The following PDCD6 variants were observed in gnomAD, a reference collection of about 807,000 sequenced individuals.
The protein encoded by PDCD6 is programmed cell death protein 6.
A neutral mutation model predicts 28.3 loss-of-function variants in PDCD6; 12 were observed. The observed-to-expected ratio is 0.42, with a 90% CI of 0.27 to 0.69. The LOEUF (loss-of-function observed/expected upper bound fraction) is 0.69. Among genes scored for constraint, PDCD6 ranks in the 30% least tolerant of loss-of-function variants. The pLI is 0.22. For missense variants in PDCD6, 226 were observed against 269.9 expected, an observed-to-expected ratio of 0.84 and a Z score of 1.14; for synonymous variants, 92 against 108.0, an observed-to-expected ratio of 0.85 and a Z score of 0.92.
chr5:272,050 C>G (rs1269647832), intron 1 of PDCD6, among the ~76,000 whole-genome samples: 1 of 151,932 alleles, frequency 6.6e-6, no homozygotes, highest in Non-Finnish European at 1.5e-5. Context: ...CTCCCCCGTC[C>G]GCTGCCCGGT....
intron 2 of PDCD6, among the ~76,000 whole-genome samples, chr5:284,129 A>G (rs1738772320): frequency 6.6e-6 from 1 of 151,160 alleles, no homozygotes; most frequent in Non-Finnish European, 1.5e-5. Flanking sequence ...AGAGGAGCTG[A>G]TGTTCTAATT....
rs1403997416 is a variant in PDCD6, at chr5:314,945, C to T, written c.*430C>T. 6 of 305,700 alleles carry T rather than the reference C, an allele frequency of 2.0e-5. No individual in the cohort carries two copies. Among genetic ancestry groups the T allele is most frequent in the South Asian group, 8.7e-5 (3 of 34,672 alleles). 18.9% of individuals were successfully genotyped at this position (305,700 alleles called of 1,614,324 possible). A position where few individuals can be genotyped will look rare whatever the true frequency, so the allele number is the denominator to read the frequency against. On this transcript the variant is annotated 3_prime_UTR_variant, in exon 6 of 6. Transcript: ENST00000264933. ...TTATTGTATTCATTGGAATATGTGA[C>T]GTAAGCAATAAAGGGAATGTTAGAC...
intron 2 of PDCD6, among the ~76,000 whole-genome samples, chr5:290,797 C>G (rs1297611630): frequency 1.3e-5 from 2 of 152,214 alleles, no homozygotes; most frequent in Non-Finnish European, 2.9e-5. Context: ...CCTCTGATCT[C>G]TGACCGTGTC....
chr5:301,177 C>T (rs4957017), intron 2 of PDCD6, among the ~76,000 whole-genome samples: 56,682 of 152,088 alleles, frequency 0.37, 12,250 homozygotes, highest in Non-Finnish European at 0.49. Context: ...GGGCCACGGA[C>T]GCAGAAGACA....
chr5:276,956 C>G lies in PDCD6; in HGVS notation c.163+4184C>G, dbSNP rs1435452733. ...TTCCAAACTATCTTGAGTTTGATCC[C>G]TTTTCGGGTGTTTGGGGTTTTTTTA... On this transcript the variant is annotated intron_variant, in intron 2 of 5. Coordinates refer to ENST00000264933, the MANE Select transcript of PDCD6 (RefSeq NM_013232.4). 11 of 984,476 alleles carry G rather than the reference C, an allele frequency of 1.1e-5. No individual in the cohort carries two copies. In the Admixed American group the frequency reaches 6.8e-4, roughly 61 times the overall value. 61.0% of individuals were successfully genotyped at this position (984,476 alleles called of 1,614,324 possible). A position where few individuals can be genotyped will look rare whatever the true frequency, so the allele number is the denominator to read the frequency against.
chr5:284,937 C>G (rs1294435479), intron 2 of PDCD6, among the ~76,000 whole-genome samples: 15 of 143,992 alleles, frequency 1.0e-4, no homozygotes, highest in African/African-American at 2.8e-4. Context: ...ATATCAAACT[C>G]GAACATCTGC....
At chr5:302,393 C>CTGTTGTGTGTGTGTGTGTG (rs1197687629) in intron 2 of PDCD6, among the ~76,000 whole-genome samples, 2 of 118,038 alleles carry the variant, frequency 1.7e-5, no homozygotes, top group African/African-American at 9.0e-5. Flanking sequence ...TGGAGTGCTG[C>CTGTTGTGTGTGTGTGTGTG]TCTGTGTGTA....
At chr5:294,351 C>T (rs1739472815) in intron 2 of PDCD6, among the ~76,000 whole-genome samples, 1 of 149,762 alleles carries the variant, frequency 6.7e-6, no homozygotes, top group South Asian at 2.1e-4. Flanking sequence ...CAAAACTTAA[C>T]CATAAGAAAG....
At chr5:302,910 C>T (rs1338087053) in intron 2 of PDCD6, among the ~76,000 whole-genome samples, 3 of 151,972 alleles carry the variant, frequency 2.0e-5, no homozygotes, top group Non-Finnish European at 4.4e-5. Context: ...GGTTCAGGTG[C>T]ACCTGCCTTT....
chr5:279,793 AAAAAAAAAAAAAAC>A (rs1340527713), intron 2 of PDCD6, among the ~76,000 whole-genome samples: 1 of 147,382 alleles, frequency 6.8e-6, no homozygotes, highest in African/African-American at 2.6e-5. Flanking sequence ...CAAAAAAAAA[AAAAAAAAAAAAAAC>A]GAGGAGCCGG....
intron 2 of PDCD6, chr5:273,373 TC>T (rs1373850128): frequency 5.9e-5 from 9 of 153,122 alleles, no homozygotes; most frequent in Non-Finnish European, 1.0e-4. Context: ...TGTTGTGAGC[TC>T]CCTGGAATTA....
At chr5:276,408 C>T in intron 2 of PDCD6, 3 of 989,592 alleles carry the variant, frequency 3.0e-6, no homozygotes, top group Non-Finnish European at 3.6e-6. Context: ...TGTACAGGCA[C>T]ACAAAATTTG....
chr5:307,532 A>G lies in PDCD6; in HGVS notation c.367+772A>G, dbSNP rs867212554. 6.6e-6 allele frequency among the ~76,000 whole-genome samples: 1 copy of G among 152,142 alleles called. No homozygotes were observed. The highest frequency in any genetic ancestry group is 1.5e-5 in the Non-Finnish European group (1 of 68,010). On this transcript the variant is annotated intron_variant, in intron 4 of 5. Transcript: ENST00000264933. This position sits in a 1 kb window ranked among gnomAD's most constrained non-coding sequence, Gnocchi z 6.1. ...CAGAGTGCGTCCATAGGGCCTGTCCACGGGGCTTCCCGTGCTGCTCTCAGG... is the reference window on the plus strand; with the variant it reads ...CAGAGTGCGTCCATAGGGCCTGTCCGCGGGGCTTCCCGTGCTGCTCTCAGG...
At position 307,272 on chromosome 5, in the gene PDCD6, ACGTGTGCCGTGCGCCT is replaced by A; in HGVS notation, c.367+514_367+529del. Reference sequence around the variant, plus strand: ...GTGTGTGCTCGGCGTGTGTGTGCACACGTGTGCCGTGCGCCTCAGAAGGGGCGTTAGGCAGAACGCG... The same window carrying A: ...GTGTGTGCTCGGCGTGTGTGTGCACACAGAAGGGGCGTTAGGCAGAACGCG... On this transcript the variant is annotated intron_variant, in intron 4 of 5. Coordinates refer to ENST00000264933, the MANE Select transcript of PDCD6 (RefSeq NM_013232.4). This position sits in a 1 kb window ranked among gnomAD's most constrained non-coding sequence, Gnocchi z 6.1. Among the ~76,000 whole-genome samples, 1 of 96,552 alleles carries A rather than the reference ACGTGTGCCGTGCGCCT, an allele frequency of 1.0e-5. No individual in the cohort carries two copies. Among genetic ancestry groups the A allele is most frequent in the South Asian group, 2.8e-4 (1 of 3,510 alleles). 63.3% of individuals were successfully genotyped at this position (96,552 alleles called of 152,430 possible). A position where few individuals can be genotyped will look rare whatever the true frequency, so the allele number is the denominator to read the frequency against.
At chr5:284,485 C>T (rs1738798509) in intron 2 of PDCD6, among the ~76,000 whole-genome samples, 2 of 151,862 alleles carry the variant, frequency 1.3e-5, no homozygotes, top group South Asian at 4.2e-4. Context: ...GCTGATGTAA[C>T]AGTTTGAAGG....
rs1292503629 is a variant in PDCD6 at position 307,732 on chromosome 5, T to C, written c.367+972T>C. Among the ~76,000 whole-genome samples the C allele has an allele frequency of 6.6e-6, 1 of 152,174 alleles. No homozygotes were observed. The highest frequency in any genetic ancestry group is 6.5e-5 in the Admixed American group (1 of 15,280). The stretch of plus-strand genomic sequence containing the variant: ...GCTCCTTAGAAACAGTGAGGAAAAT[T>C]CGATTCTACTTGAGTACCTCCGAGA... On this transcript the variant is annotated intron_variant, in intron 4 of 5. Transcript: ENST00000264933. The surrounding 1 kb of genome is among the most constrained non-coding windows in gnomAD (Gnocchi z 6.1).
chr5:277,752 C>T (rs1390817567), intron 2 of PDCD6, among the ~76,000 whole-genome samples: 1 of 151,806 alleles, frequency 6.6e-6, no homozygotes, highest in Non-Finnish European at 1.5e-5. Flanking sequence ...CCTATCTCTA[C>T]TAAAAATACA....
At chr5:291,996 A>G (rs1739341875) in intron 2 of PDCD6, among the ~76,000 whole-genome samples, 1 of 152,224 alleles carries the variant, frequency 6.6e-6, no homozygotes, top group South Asian at 2.1e-4. Context: ...CATAACAAAA[A>G]TAGACTTCAC....
chr5:302,602 C>G (rs28681562), intron 2 of PDCD6, among the ~76,000 whole-genome samples: 61 of 118,612 alleles, frequency 5.1e-4, no homozygotes, highest in Middle Eastern at 0.016. Context: ...GAGTGCTGCT[C>G]TGTGTGTATG....
Sources: gnomAD v4.1 joint callset for allele counts (sites outside exome capture counted in the v4.1 genomes callset) on GRCh38, gnomAD v4.1.1 for gene constraint, Gnocchi (gnomAD v3.1) non-coding constraint, MANE v1.5 for transcripts, NCBI Gene and HGNC (gene_info 2026-07-23, HGNC 2026-07-21) for gene names.